Variants in CHRM3 observed in about 807,000 individuals in gnomAD.
CHRM3 encodes cholinergic receptor muscarinic 3, also known as muscarinic acetylcholine receptor M3.
A neutral mutation model predicts 41.8 loss-of-function variants in CHRM3; 11 were observed. The ratio of observed to expected loss-of-function variants is 0.26; its 90% CI spans 0.17 to 0.44. The LOEUF (loss-of-function observed/expected upper bound fraction) is 0.44. Ranked by LOEUF, CHRM3 falls within the 20% of genes least tolerant of loss-of-function variation. The pLI, the probability that CHRM3 is intolerant of heterozygous loss-of-function variation, is 1.00. For missense variants in CHRM3, 571 were observed against 745.4 expected (o/e 0.77, Z 2.72); for synonymous variants, 297 against 301.4 (o/e 0.99, Z 0.15).
At chr1:239,483,619 CTG>C (rs753251296) in intron 1 of CHRM3, among the ~76,000 whole-genome samples, 5 of 152,038 alleles carry the variant, frequency 3.3e-5, no homozygotes, top group Admixed American at 6.6e-5. Flanking sequence ...GAGGAAGTGA[CTG>C]AGAGATAATT....
At chr1:239,676,173 A>T (rs1432471030) in intron 4 of CHRM3, among the ~76,000 whole-genome samples, 1 of 152,224 alleles carries the variant, frequency 6.6e-6, no homozygotes, top group Non-Finnish European at 1.5e-5. Context: ...CTGCACCAGC[A>T]AAGTTACTAA....
At chr1:239,895,504 C>T (rs1169652103) in intron 6 of CHRM3, among the ~76,000 whole-genome samples, 1 of 152,206 alleles carries the variant, frequency 6.6e-6, no homozygotes, top group Non-Finnish European at 1.5e-5. Flanking sequence ...ACCCTATAGA[C>T]ACATACATGC....
intron 5 of CHRM3, among the ~76,000 whole-genome samples, chr1:239,824,382 G>A (rs1558155514): frequency 1.3e-5 from 2 of 152,134 alleles, no homozygotes; most frequent in Admixed American, 6.5e-5. Context: ...CTTGCTTAAT[G>A]TATAAGACAA....
intron 1 of CHRM3, among the ~76,000 whole-genome samples, chr1:239,394,416 G>C (rs1035294555): frequency 7.9e-5 from 12 of 152,138 alleles, no homozygotes; most frequent in Non-Finnish European, 1.5e-5. Flanking sequence ...GGATATGTGT[G>C]ATTGCAGTGA....
At chr1:239,905,798 ATTGCACTAAAT>A in intron 6 of CHRM3, among the ~76,000 whole-genome samples, 1 of 152,344 alleles carries the variant, frequency 6.6e-6, no homozygotes, top group East Asian at 1.9e-4. Flanking sequence ...AACATTTATT[ATTGCACTAAAT>A]TTAGCTCTGA....
intron 1 of CHRM3, among the ~76,000 whole-genome samples, chr1:239,405,740 A>G (rs1032794961): frequency 6.6e-6 from 1 of 151,198 alleles, no homozygotes; most frequent in South Asian, 2.1e-4. Flanking sequence ...TCTTGATGTG[A>G]AAAAAAAATG....
chr1:239,755,413 A>G (rs1162747819), intron 5 of CHRM3, among the ~76,000 whole-genome samples: 1 of 152,194 alleles, frequency 6.6e-6, no homozygotes. Context: ...TTATGCCGAT[A>G]ATGGAAAACC....
At chr1:239,617,212 T>G (rs1490071133) in intron 3 of CHRM3, among the ~76,000 whole-genome samples, 1 of 152,208 alleles carries the variant, frequency 6.6e-6, no homozygotes, top group Non-Finnish European at 1.5e-5. Context: ...GTAATGGTAA[T>G]ATAGTATTTA....
intron 5 of CHRM3, among the ~76,000 whole-genome samples, chr1:239,808,276 T>C (rs976666737): frequency 6.6e-6 from 1 of 152,092 alleles, no homozygotes; most frequent in Admixed American, 6.5e-5. Context: ...TTTATCCTCG[T>C]ATGTGACCTT....
intron 1 of CHRM3, among the ~76,000 whole-genome samples, chr1:239,390,577 C>T (rs1189722295): frequency 6.6e-6 from 1 of 151,340 alleles, no homozygotes; most frequent in African/African-American, 2.4e-5. Flanking sequence ...AGAGGGTGTG[C>T]AGGTATGAAA....
chr1:239,911,940 A>G lies in CHRM3; in HGVS notation c.*2716A>G, dbSNP rs1191982936. 3 of 167,068 alleles carry G rather than the reference A, an allele frequency of 1.8e-5. No individual in the cohort carries two copies. The highest frequency in any genetic ancestry group is 4.4e-5 in the Non-Finnish European group (3 of 68,110). The allele number at this position is 167,068 out of a possible 1,614,324, so 10.3% of individuals were successfully genotyped here. ...ATAATTGGACCTTAGTTACACGTGC[A>G]TTTCTCAAAGGGCTTGTCATTACAG... is the stretch of plus-strand genomic sequence containing the variant. On this transcript the variant is annotated 3_prime_UTR_variant, in exon 7 of 7. Transcript: ENST00000676153.
intron 6 of CHRM3, among the ~76,000 whole-genome samples, chr1:239,872,488 C>A (rs73131037): frequency 6.6e-6 from 1 of 152,026 alleles, no homozygotes; most frequent in African/African-American, 2.4e-5. Flanking sequence ...TTGTGTGGGA[C>A]GGCCCCAACC....
At chr1:239,582,606 C>T (rs1281664218) in intron 3 of CHRM3, among the ~76,000 whole-genome samples, 2 of 152,116 alleles carry the variant, frequency 1.3e-5, no homozygotes, top group East Asian at 1.9e-4. Context: ...GTGTTGCAGG[C>T]ATCTCCAACA....
chr1:239,914,890 G>A lies in CHRM3; in HGVS notation c.*5666G>A, dbSNP rs1680562336. 1 of 166,964 alleles carries A rather than the reference G, an allele frequency of 6.0e-6. No individual in the cohort carries two copies. Among genetic ancestry groups the A allele is most frequent in the Admixed American group, 6.5e-5 (1 of 15,270 alleles). 10.3% of individuals were successfully genotyped at this position (166,964 alleles called of 1,614,324 possible). On this transcript the variant is annotated 3_prime_UTR_variant, in exon 7 of 7. Transcript: ENST00000676153. The stretch of plus-strand genomic sequence containing the variant: ...TCTAGCCATTCCTCATCCAGTACAT[G>A]GGCATTTCCAGCCTCCTACATGTAA...
At chr1:239,647,455 C>G (rs1671837890) in intron 4 of CHRM3, among the ~76,000 whole-genome samples, 1 of 151,698 alleles carries the variant, frequency 6.6e-6, no homozygotes, top group Admixed American at 6.6e-5. Context: ...TCTCTTTTTT[C>G]CTCTCTCTTC....
intron 3 of CHRM3, among the ~76,000 whole-genome samples, chr1:239,585,004 T>C (rs1663263594): frequency 6.6e-6 from 1 of 151,600 alleles, no homozygotes; most frequent in Non-Finnish European, 1.5e-5. Context: ...AATAATTTCA[T>C]GATTTGCAAC....
intron 5 of CHRM3, among the ~76,000 whole-genome samples, chr1:239,740,499 C>T (rs1052471536): frequency 1.3e-5 from 2 of 151,472 alleles, no homozygotes; most frequent in African/African-American, 2.4e-5. Flanking sequence ...ATGTGCAGAA[C>T]GTGCAGGCTT....
intron 6 of CHRM3, among the ~76,000 whole-genome samples, chr1:239,904,764 G>C (rs1679842196): frequency 6.6e-6 from 1 of 152,126 alleles, no homozygotes; most frequent in Non-Finnish European, 1.5e-5. Context: ...TCAGCTATGG[G>C]AAAATAATAT....
intron 5 of CHRM3, among the ~76,000 whole-genome samples, chr1:239,696,346 AC>A (rs1236042168): frequency 6.6e-6 from 1 of 152,232 alleles, no homozygotes; most frequent in African/African-American, 2.4e-5. Flanking sequence ...ACTGTAAAGT[AC>A]TATAAAAATT....
Sources: gnomAD v4.1 joint callset for allele counts (sites outside exome capture counted in the v4.1 genomes callset) on GRCh38, gnomAD v4.1.1 for gene constraint, MANE v1.5 for transcripts, NCBI Gene and HGNC (gene_info 2026-07-23, HGNC 2026-07-21) for gene names.